PDGFC: variants seen among roughly 807,000 people sequenced by gnomAD.
PDGFC encodes the protein platelet derived growth factor C, also known as platelet-derived growth factor C.
A neutral mutation model predicts 35.5 loss-of-function variants in PDGFC; 12 were observed. The observed-to-expected ratio is 0.34, with a 90% CI of 0.22 to 0.55. The LOEUF (loss-of-function observed/expected upper bound fraction) is 0.55. Ranked by LOEUF, PDGFC falls within the 20% of genes least tolerant of loss-of-function variation. PDGFC has a pLI of 0.91. For missense variants in PDGFC, 322 were observed against 412.4 expected, an observed-to-expected ratio of 0.78 and a Z score of 1.90; for synonymous variants, 159 against 148.8, an observed-to-expected ratio of 1.07 and a Z score of -0.50.
intron 1 of PDGFC, among the ~76,000 whole-genome samples, chr4:156,878,472 G>C (rs1233177184): frequency 1.3e-5 from 2 of 152,030 alleles, no homozygotes; most frequent in Non-Finnish European, 2.9e-5. Flanking sequence ...TAATTCCTTT[G>C]TTCAAAAACA....
At chr4:156,771,657 A>C (rs1183259605) in intron 4 of PDGFC, among the ~76,000 whole-genome samples, 3 of 152,158 alleles carry the variant, frequency 2.0e-5, no homozygotes, top group African/African-American at 7.2e-5. Flanking sequence ...ATGATCCAAA[A>C]AAGCTGCAAC....
At chr4:156,764,357 A>G (rs1311554741) in intron 5 of PDGFC, among the ~76,000 whole-genome samples, 1 of 152,208 alleles carries the variant, frequency 6.6e-6, no homozygotes, top group Non-Finnish European at 1.5e-5. Context: ...GCCAGGCACA[A>G]TAATAACGTT....
At chr4:156,926,441 C>A (rs1731416498) in intron 1 of PDGFC, among the ~76,000 whole-genome samples, 1 of 152,130 alleles carries the variant, frequency 6.6e-6, no homozygotes, top group South Asian at 2.1e-4. Context: ...TAGCCTCTTC[C>A]CTCGGACTTC....
At chr4:156,877,258 G>A (rs923093247) in intron 1 of PDGFC, among the ~76,000 whole-genome samples, 12 of 149,720 alleles carry the variant, frequency 8.0e-5, no homozygotes, top group African/African-American at 1.8e-4. Context: ...TCAGTGTTAC[G>A]GAAATAATCC....
intron 1 of PDGFC, among the ~76,000 whole-genome samples, chr4:156,883,272 T>A (rs1730290969): frequency 6.6e-6 from 1 of 152,150 alleles, no homozygotes; most frequent in Admixed American, 6.5e-5. Context: ...TTTTTAGAAA[T>A]CACTAGGTCC....
At chr4:156,888,154 G>C (rs1021126035) in intron 1 of PDGFC, among the ~76,000 whole-genome samples, 1 of 152,084 alleles carries the variant, frequency 6.6e-6, no homozygotes, top group African/African-American at 2.4e-5. Context: ...GTCAACCGTA[G>C]TACTTGTTTT....
intron 4 of PDGFC, among the ~76,000 whole-genome samples, chr4:156,771,233 C>G (rs1369110948): frequency 6.6e-6 from 1 of 152,106 alleles, no homozygotes; most frequent in Non-Finnish European, 1.5e-5. Context: ...AGGCATAAAG[C>G]CTTGGCTAGA....
intron 1 of PDGFC, among the ~76,000 whole-genome samples, chr4:156,861,259 A>G (rs1231094341): frequency 6.6e-6 from 1 of 152,166 alleles, no homozygotes; most frequent in African/African-American, 2.4e-5. Flanking sequence ...AGGCATTCAC[A>G]TTCACACTTG....
At chr4:156,824,026 G>C (rs975019329) in intron 2 of PDGFC, among the ~76,000 whole-genome samples, 3 of 151,862 alleles carry the variant, frequency 2.0e-5, no homozygotes, top group Admixed American at 6.6e-5. Flanking sequence ...ATCTAAAAAA[G>C]TTGCTCTCAT....
intron 1 of PDGFC, among the ~76,000 whole-genome samples, chr4:156,912,311 T>C (rs1373331921): frequency 1.3e-5 from 2 of 152,162 alleles, no homozygotes; most frequent in African/African-American, 4.8e-5. Context: ...GACAGAAATC[T>C]TGTCTTTTTC....
At chr4:156,968,018 A>G (rs1245028585) in intron 1 of PDGFC, among the ~76,000 whole-genome samples, 2 of 152,212 alleles carry the variant, frequency 1.3e-5, no homozygotes, top group African/African-American at 4.8e-5. Flanking sequence ...AAAACCAGAT[A>G]CCTAACAATA....
chr4:156,943,752 G>A (rs1731871031), intron 1 of PDGFC, among the ~76,000 whole-genome samples: 1 of 152,090 alleles, frequency 6.6e-6, no homozygotes, highest in African/African-American at 2.4e-5. Context: ...AGTTCTTAAT[G>A]TTAACATTTT....
intron 1 of PDGFC, among the ~76,000 whole-genome samples, chr4:156,932,781 GAT>G (rs1553980893): frequency 6.6e-6 from 1 of 150,660 alleles, no homozygotes; most frequent in Non-Finnish European, 1.5e-5. Context: ...AGCATTAGGA[GAT>G]ATATCTAATG....
intron 1 of PDGFC, among the ~76,000 whole-genome samples, chr4:156,886,308 T>C (rs1312763444): frequency 6.6e-6 from 1 of 152,228 alleles, no homozygotes; most frequent in African/African-American, 2.4e-5. Flanking sequence ...TATAACTCTC[T>C]TGCAATAAGT....
At chr4:156,799,353 T>C (rs1241607309) in intron 3 of PDGFC, among the ~76,000 whole-genome samples, 1 of 152,144 alleles carries the variant, frequency 6.6e-6, no homozygotes, top group East Asian at 1.9e-4. Context: ...CCCTCAGTTT[T>C]CTGAGGCCTT....
Position 156,971,043 on chromosome 4 carries a change from A to AAC in PDGFC, c.-141_-140insGT, listed in dbSNP as rs1732580974. On this transcript the variant is annotated 5_prime_UTR_variant, in exon 1 of 6. It introduces an in-frame stop codon into an upstream open reading frame of the 5' UTR. Coordinates refer to ENST00000502773, the MANE Select transcript of PDGFC (RefSeq NM_016205.3). The stretch of plus-strand genomic sequence containing the variant: ...CTCTGGCAGCAGAGAATCGCAGGGT[A>AAC]GTTTCCACATAATCCCATCCAAAAC... 1.6e-6 allele frequency: 1 copy of AAC among 618,028 alleles called. No homozygotes were observed. Among genetic ancestry groups the AAC allele is most frequent in the Non-Finnish European group, 2.9e-6 (1 of 346,132 alleles). The allele number at this position is 618,028 out of a possible 1,614,324, so 38.3% of individuals were successfully genotyped here.
At chr4:156,857,279 T>C (rs1303957063) in intron 1 of PDGFC, among the ~76,000 whole-genome samples, 2 of 152,048 alleles carry the variant, frequency 1.3e-5, no homozygotes, top group Non-Finnish European at 2.9e-5. Flanking sequence ...AAAGAAGACA[T>C]ATGTAAGATA....
chr4:156,928,091 T>G (rs1308579812), intron 1 of PDGFC, among the ~76,000 whole-genome samples: 1 of 152,064 alleles, frequency 6.6e-6, no homozygotes, highest in African/African-American at 2.4e-5. Flanking sequence ...TTCACTACCA[T>G]GAGAACAGTA....
chr4:156,924,983 C>T (rs188882268), intron 1 of PDGFC, among the ~76,000 whole-genome samples: 1,538 of 131,140 alleles, frequency 0.012, 10 homozygotes, highest in Non-Finnish European at 0.018. Flanking sequence ...CAGGGCAGCA[C>T]ATAGGGCTGG....
Sources: allele counts gnomAD v4.1 joint callset (sites outside exome capture counted in the v4.1 genomes callset), GRCh38; gene constraint gnomAD v4.1.1; transcripts MANE v1.5; gene names NCBI Gene and HGNC (gene_info 2026-07-23, HGNC 2026-07-21).